The following ANKRD13B variants were observed in gnomAD, a reference collection of about 807,000 sequenced individuals.
ANKRD13B encodes ankyrin repeat domain 13B.
ANKRD13B carries 33 observed loss-of-function variants against 74.4 expected under a neutral mutation model. The observed-to-expected ratio is 0.44, with a 90% CI of 0.34 to 0.59. ANKRD13B has a LOEUF of 0.59. Ranked by LOEUF, ANKRD13B falls within the 20% of genes least tolerant of loss-of-function variation. The pLI, the probability that ANKRD13B is intolerant of heterozygous loss-of-function variation, is 0.02. For synonymous variants in ANKRD13B, 341 were observed against 362.9 expected, an observed-to-expected ratio of 0.94 and a Z score of 0.68; for missense variants, 676 against 877.9, an observed-to-expected ratio of 0.77 and a Z score of 2.91.
At chr17:29,600,526 G>A (rs1261977715) in intron 1 of ANKRD13B, among the ~76,000 whole-genome samples, 3 of 152,114 alleles carry the variant, frequency 2.0e-5, no homozygotes, top group Admixed American at 2.0e-4. Context: ...ATGCTCCTGA[G>A]TCCAGAGCAT....
At chr17:29,603,437 T>C (rs1435357000) in intron 1 of ANKRD13B, among the ~76,000 whole-genome samples, 1 of 152,056 alleles carries the variant, frequency 6.6e-6, no homozygotes, top group Non-Finnish European at 1.5e-5. Context: ...TGTTTTGTTT[T>C]GTTTGTAGAG....
chr17:29,600,354 G>T (rs983757839), intron 1 of ANKRD13B, among the ~76,000 whole-genome samples: 12 of 152,318 alleles, frequency 7.9e-5, no homozygotes, highest in African/African-American at 2.9e-4. Flanking sequence ...AGGGTCACCA[G>T]ATGTCTGTAT....
At position 29,613,482 on chromosome 17, in the gene ANKRD13B, TG is replaced by T; in HGVS notation, c.1783del (p.Glu595AsnfsTer25). 6.5e-7 allele frequency: 1 copy of T among 1,532,774 alleles called. No individual in the cohort carries two copies. Among genetic ancestry groups the T allele is most frequent in the Non-Finnish European group, 8.8e-7 (1 of 1,141,728 alleles). 94.9% of individuals were successfully genotyped at this position (1,532,774 alleles called of 1,614,324 possible). A position where few individuals can be genotyped will look rare whatever the true frequency, so the allele number is the denominator to read the frequency against. ...TACGACGAGCAGCTGCGGCTGGCGA[TG>T]GAACTGTCGGCGCAGGAGCAGGAGG... is the stretch of plus-strand genomic sequence containing the variant. ...RSYDEQLRLA[M>X]ELSAQEQEER... On this transcript the variant is annotated frameshift_variant, in exon 15 of 15. Coordinates refer to ENST00000394859, the MANE Select transcript of ANKRD13B (RefSeq NM_152345.5). LOFTEE classifies it high-confidence loss of function.
rs1405243630 is a variant in ANKRD13B at position 29,613,703 on chromosome 17, G to T, written c.*121G>T. On this transcript the variant is annotated 3_prime_UTR_variant, in exon 15 of 15. Transcript: ENST00000394859. Reference sequence around the variant, plus strand: ...GGAGACTGGAGCCACCGCCTCGCGGGTGCAGCAGCACAGCAGGCACGGTTC... The same window carrying T: ...GGAGACTGGAGCCACCGCCTCGCGGTTGCAGCAGCACAGCAGGCACGGTTC... 5.9e-6 allele frequency: 8 copies of T among 1,356,476 alleles called. No individual in the cohort carries two copies. Among genetic ancestry groups the T allele is most frequent in the Non-Finnish European group, 7.6e-6 (8 of 1,053,404 alleles). 84.0% of individuals were successfully genotyped at this position (1,356,476 alleles called of 1,614,324 possible).
At chr17:29,600,570 G>A (rs1341398423) in intron 1 of ANKRD13B, among the ~76,000 whole-genome samples, 1 of 152,140 alleles carries the variant, frequency 6.6e-6, no homozygotes, top group Non-Finnish European at 1.5e-5. Context: ...ATAAACCCCT[G>A]GTGTCCTGTG....
intron 1 of ANKRD13B, among the ~76,000 whole-genome samples, chr17:29,595,136 C>T (rs747400330): frequency 1.6e-4 from 25 of 152,244 alleles, no homozygotes; most frequent in Non-Finnish European, 3.2e-4. Flanking sequence ...CAGTGCTCTG[C>T]AGCCACGAGA....
rs2034511685 is a variant in ANKRD13B, at chr17:29,609,643, C to G, written c.822+222C>G. 1.3e-5 allele frequency among the ~76,000 whole-genome samples: 2 copies of G among 152,362 alleles called. No individual in the cohort carries two copies. Among genetic ancestry groups the G allele is most frequent in the South Asian group, 2.1e-4 (1 of 4,830 alleles). ...CGCACACACACACACACATTTATTC[C>G]TCACAGCAACCCTTTCTGGTAGGTG... On this transcript the variant is annotated intron_variant, in intron 7 of 14. Transcript: ENST00000394859. This position sits in a 1 kb window ranked among gnomAD's most constrained non-coding sequence, Gnocchi z 4.0.
Position 29,609,213 on chromosome 17 carries a change from G to A in ANKRD13B, c.693G>A (p.Leu231=), listed in dbSNP as rs748722070. ...CTCAGCCCACTGAGGAACAGGTGCTGAGCCGGCTTACCGCGCCCGTCGTCA... is the reference window on the plus strand; with the variant it reads ...CTCAGCCCACTGAGGAACAGGTGCTAAGCCGGCTTACCGCGCCCGTCGTCA... The part of the protein sequence containing the change: ...AAAQPTEEQV[L]SRLTAPVVTT... The change falls in exon 6 of 15, where the codon CTG becomes CTA. Residue 231 remains leucine, a synonymous_variant. Coordinates refer to ENST00000394859, the MANE Select transcript of ANKRD13B (RefSeq NM_152345.5). The surrounding 1 kb of genome is among the most constrained non-coding windows in gnomAD (Gnocchi z 4.0). 53 of 1,612,896 alleles carry A rather than the reference G, an allele frequency of 3.3e-5. No individual in the cohort carries two copies. The highest frequency in any genetic ancestry group is 4.2e-5 in the Non-Finnish European group (50 of 1,180,020).
intron 1 of ANKRD13B, 40 bp downstream of exon 1, chr17:29,593,775 G>A: frequency 7.9e-7 from 1 of 1,259,680 alleles, no homozygotes; most frequent in Non-Finnish European, 1.0e-6. Context: ...CCCCGCGGCC[G>A]GGCACGCCCG....
In ANKRD13B at chr17:29,609,074, C is replaced by T. The variant is rs762305016; in HGVS notation, c.566-12C>T. ...CACCCCTGATCCCCCTGTGCTGTTC[C>T]GTGTCTGGCAGACACAAGCGCCGTG... is the stretch of plus-strand genomic sequence containing the variant. On this transcript the variant is annotated splice_polypyrimidine_tract_variant and intron_variant, in intron 5 of 14. Transcript: ENST00000394859. The surrounding 1 kb of genome is among the most constrained non-coding windows in gnomAD (Gnocchi z 4.0). The T allele has an allele frequency of 9.2e-5, 149 of 1,610,934 alleles. No individual in the cohort carries two copies. Among genetic ancestry groups the T allele is most frequent in the Non-Finnish European group, 1.1e-4 (132 of 1,179,478 alleles).
intron 1 of ANKRD13B, among the ~76,000 whole-genome samples, chr17:29,602,386 T>G (rs891461317): frequency 3.0e-5 from 4 of 131,778 alleles, no homozygotes; most frequent in African/African-American, 1.3e-4. Context: ...CAGAGTGAGA[T>G]TCCATCTCAA....
At position 29,610,190 on chromosome 17, in the gene ANKRD13B, T is replaced by TAAAA. The variant is rs770944356; in HGVS notation, c.823-479_823-476dup. ...CTGGGCAACAGAGCGAGACTCCATCTAAAAAAAAAAAAAAAAAAAGGCTCT... is the reference window on the plus strand; with the variant it reads ...CTGGGCAACAGAGCGAGACTCCATCTAAAAAAAAAAAAAAAAAAAAAAAGGCTCT... On this transcript the variant is annotated intron_variant, in intron 7 of 14. Transcript: ENST00000394859. 6.3e-5 allele frequency among the ~76,000 whole-genome samples: 6 copies of TAAAA among 95,548 alleles called. No homozygotes were observed. The South Asian group carries it at 1.1e-3, about 18-fold the overall frequency. The allele number at this position is 95,548 out of a possible 152,430, so 62.7% of individuals were successfully genotyped here. A position where few individuals can be genotyped will look rare whatever the true frequency, so the allele number is the denominator to read the frequency against.
rs768512998 is a variant in ANKRD13B at position 29,613,973 on chromosome 17, A to G, written c.*391A>G. On this transcript the variant is annotated 3_prime_UTR_variant, in exon 15 of 15. Transcript: ENST00000394859. ...CATTTCTGTTCACTAACCCCACTCC[A>G]GGACACTGCCCCTGAAGCCTTTGCA... 87 of 198,814 alleles carry G rather than the reference A, an allele frequency of 4.4e-4. No homozygotes were observed. The highest frequency in any genetic ancestry group is 7.3e-4 in the Non-Finnish European group (72 of 98,202). 12.3% of individuals were successfully genotyped at this position (198,814 alleles called of 1,614,324 possible). A position where few individuals can be genotyped will look rare whatever the true frequency, so the allele number is the denominator to read the frequency against.
At chr17:29,610,047 C>T (rs181518764) in intron 7 of ANKRD13B, among the ~76,000 whole-genome samples, 1 of 152,146 alleles carries the variant, frequency 6.6e-6, no homozygotes, top group East Asian at 1.9e-4. Context: ...AAAAAATTAG[C>T]CGGGTGTGGT....
chr17:29,597,131 C>T (rs2033981973), intron 1 of ANKRD13B, among the ~76,000 whole-genome samples: 1 of 152,240 alleles, frequency 6.6e-6, no homozygotes, highest in African/African-American at 2.4e-5. Context: ...TGAGCACAGG[C>T]TCTGCGTCCC....
chr17:29,597,733 T>G (rs967418372), intron 1 of ANKRD13B, among the ~76,000 whole-genome samples: 1 of 152,082 alleles, frequency 6.6e-6, no homozygotes, highest in South Asian at 2.1e-4. Flanking sequence ...TCTGGGCTTG[T>G]GGGGAGAGCT....
chr17:29,610,725 G>A lies in ANKRD13B; in HGVS notation c.863G>A (p.Arg288Gln). Residue 288 changes from arginine to glutamine, a missense_variant, in exon 8 of 15, where the codon CGG (arginine) becomes CAG (glutamine). Around this residue, in one of 4 missense-constraint regions of ANKRD13B, gnomAD observed 328 missense variants for 518.4 expected, o/e 0.63. Coordinates refer to ENST00000394859, the MANE Select transcript of ANKRD13B (RefSeq NM_152345.5). ...ASNVELITRT[R>Q]TEHLSEQHKG... ...AACGTGGAGCTCATCACCCGCACAC[G>A]GACAGAACATCTTTCAGAACAGCAC... 2.5e-6 allele frequency: 4 copies of A among 1,613,970 alleles called. No homozygotes were observed. Among genetic ancestry groups the A allele is most frequent in the Non-Finnish European group, 3.4e-6 (4 of 1,179,946 alleles).
At chr17:29,603,902 GTCTC>G (rs1435826871) in intron 1 of ANKRD13B, among the ~76,000 whole-genome samples, 2 of 134,202 alleles carry the variant, frequency 1.5e-5, no homozygotes, top group Admixed American at 7.8e-5. Context: ...TTGAGATGGA[GTCTC>G]TCTCTCTGTT....
rs1160178774 is a variant in ANKRD13B at position 29,611,711 on chromosome 17, C to T, written c.969+68C>T. 3.8e-5 allele frequency: 61 copies of T among 1,592,610 alleles called. No individual in the cohort carries two copies. The Admixed American group carries it at 7.4e-4, about 19-fold the overall frequency. On this transcript the variant is annotated intron_variant, in intron 9 of 14. Coordinates refer to ENST00000394859, the MANE Select transcript of ANKRD13B (RefSeq NM_152345.5). This position sits in a 1 kb window ranked among gnomAD's most constrained non-coding sequence, Gnocchi z 4.3. ...GTGGCTCAGGAGGAGGCTTGGGAAG[C>T]GTCCTGCTTAGCATGGCCTATGTGG...
Sources: gnomAD v4.1 joint callset for allele counts (sites outside exome capture counted in the v4.1 genomes callset) on GRCh38, gnomAD v4.1.1 for gene constraint, gnomAD v4.1.1 regional missense constraint, Gnocchi (gnomAD v3.1) non-coding constraint, MANE v1.5 for transcripts, NCBI Gene and HGNC (gene_info 2026-07-23, HGNC 2026-07-21) for gene names.